Variants in ZNRF2 observed in about 807,000 individuals in gnomAD.
The protein encoded by ZNRF2 is zinc and ring finger 2, also known as E3 ubiquitin-protein ligase ZNRF2.
ZNRF2 carries 16 observed loss-of-function variants against 20.4 expected under a neutral mutation model. The ratio of observed to expected loss-of-function variants is 0.79; its 90% CI spans 0.53 to 1.19. The LOEUF (loss-of-function observed/expected upper bound fraction) is 1.19, where lower values mean the gene tolerates loss of function less well. Among genes scored for constraint, ZNRF2 ranks in the 50% most tolerant of loss-of-function variants. The pLI is 0.00. For missense variants in ZNRF2, 363 were observed against 332.4 expected, an observed-to-expected ratio of 1.09 and a Z score of -0.72; for synonymous variants, 178 against 144.9, an observed-to-expected ratio of 1.23 and a Z score of -1.64.
intron 4 of ZNRF2, among the ~76,000 whole-genome samples, chr7:30,363,199 C>T (rs1800155561): frequency 6.6e-6 from 1 of 152,188 alleles, no homozygotes. Context: ...TGCCACTGCA[C>T]TCCAGCCTGG....
intron 1 of ZNRF2, among the ~76,000 whole-genome samples, chr7:30,310,852 C>CG (rs1799280445): frequency 7.0e-6 from 1 of 142,556 alleles, no homozygotes; most frequent in Non-Finnish European, 1.6e-5. Flanking sequence ...AACATCTGAG[C>CG]CCCTGTCCTG....
In ZNRF2 at chr7:30,285,180, A is replaced by G. The variant is rs1259788279; in HGVS notation, c.-178A>G. ...GGCCGTCGGCCTCGCCCGCCGCCCC[A>G]AGAAGAGCGCGCCGGGCGCCGACTG... is the stretch of plus-strand genomic sequence containing the variant. On this transcript the variant is annotated 5_prime_UTR_variant, in exon 1 of 5. Coordinates refer to ENST00000323037, the MANE Select transcript of ZNRF2 (RefSeq NM_147128.4). 1 of 439,078 alleles carries G rather than the reference A, an allele frequency of 2.3e-6. No individual in the cohort carries two copies. Among genetic ancestry groups the G allele is most frequent in the Non-Finnish European group, 4.0e-6 (1 of 251,046 alleles). 27.2% of individuals were successfully genotyped at this position (439,078 alleles called of 1,614,324 possible).
chr7:30,291,343 A>T (rs1042676919), intron 1 of ZNRF2, among the ~76,000 whole-genome samples: 1 of 152,228 alleles, frequency 6.6e-6, no homozygotes, highest in African/African-American at 2.4e-5. Flanking sequence ...GGCACAATTA[A>T]CACTCGTAGT....
At chr7:30,295,457 C>T (rs966635049) in intron 1 of ZNRF2, among the ~76,000 whole-genome samples, 12 of 152,250 alleles carry the variant, frequency 7.9e-5, no homozygotes, top group Middle Eastern at 3.4e-3. Context: ...CACCTGTAAC[C>T]CCCAGAACTC....
intron 1 of ZNRF2, among the ~76,000 whole-genome samples, chr7:30,298,177 A>G (rs1344096059): frequency 2.2e-4 from 33 of 152,034 alleles, no homozygotes; most frequent in Non-Finnish European, 4.0e-4. Context: ...TGTGGGTACA[A>G]TACCTTTTTC....
intron 1 of ZNRF2, 41 bp downstream of exon 1, chr7:30,285,867 C>G: frequency 7.0e-7 from 1 of 1,418,562 alleles, no homozygotes; most frequent in Non-Finnish European, 9.2e-7. Context: ...GGTCCTCCCG[C>G]GGCTGCACGT....
intron 3 of ZNRF2, among the ~76,000 whole-genome samples, chr7:30,360,911 T>C (rs1308453335): frequency 6.6e-6 from 1 of 152,218 alleles, no homozygotes; most frequent in Non-Finnish European, 1.5e-5. Flanking sequence ...AAATACCAAA[T>C]TGAGAATAGT....
intron 2 of ZNRF2, among the ~76,000 whole-genome samples, chr7:30,354,180 A>G (rs1055119267): frequency 2.0e-5 from 3 of 151,872 alleles, no homozygotes; most frequent in African/African-American, 7.3e-5. Context: ...GGGGAAAGGG[A>G]GGGCACTTCA....
chr7:30,340,294 AGTG>A (rs1799774821), intron 2 of ZNRF2, among the ~76,000 whole-genome samples: 1 of 152,114 alleles, frequency 6.6e-6, no homozygotes, highest in Admixed American at 6.5e-5. Context: ...GTTGAATAGG[AGTG>A]GTGAGAGAGA....
At chr7:30,351,844 A>C (rs1204525433) in intron 2 of ZNRF2, among the ~76,000 whole-genome samples, 1 of 152,056 alleles carries the variant, frequency 6.6e-6, no homozygotes, top group African/African-American at 2.4e-5. Context: ...TATAGAATGA[A>C]GCCAAAACAT....
At chr7:30,295,405 C>G (rs1799002881) in intron 1 of ZNRF2, among the ~76,000 whole-genome samples, 1 of 152,108 alleles carries the variant, frequency 6.6e-6, no homozygotes, top group Admixed American at 6.5e-5. Context: ...CTCTGTACCT[C>G]CGTTTTCTCA....
rs1798739579 is a variant in ZNRF2 at position 30,284,780 on chromosome 7, C to T, written c.-578C>T. 5.5e-6 allele frequency: 1 copy of T among 182,618 alleles called. No homozygotes were observed. The highest frequency in any genetic ancestry group is 1.2e-5 in the Non-Finnish European group (1 of 84,014). The allele number at this position is 182,618 out of a possible 1,614,324, so 11.3% of individuals were successfully genotyped here. ...GCCGGGAAGCGCGCGCCACCTCTCC[C>T]TCCCATTTTTCGTTCTCCCCTCGCG... On this transcript the variant is annotated 5_prime_UTR_variant, in exon 1 of 5. Transcript: ENST00000323037.
chr7:30,346,667 G>C (rs1799884621), intron 2 of ZNRF2, among the ~76,000 whole-genome samples: 1 of 151,660 alleles, frequency 6.6e-6, no homozygotes, highest in Admixed American at 6.6e-5. Context: ...AATTAATCCT[G>C]CATCTATTTA....
At chr7:30,325,599 TA>T (rs2128063903) in intron 2 of ZNRF2, among the ~76,000 whole-genome samples, 1 of 152,308 alleles carries the variant, frequency 6.6e-6, no homozygotes, top group South Asian at 2.1e-4. Flanking sequence ...TTACTTTTGG[TA>T]GTGTTTTGCA....
intron 1 of ZNRF2, among the ~76,000 whole-genome samples, chr7:30,289,592 A>G (rs1206062623): frequency 2.6e-5 from 4 of 152,272 alleles, no homozygotes; most frequent in Admixed American, 6.5e-5. Flanking sequence ...AGTAATAAGA[A>G]TTTTGGTGGT....
chr7:30,321,784 T>C (rs1433338663), intron 1 of ZNRF2, among the ~76,000 whole-genome samples: 1 of 152,222 alleles, frequency 6.6e-6, no homozygotes, highest in African/African-American at 2.4e-5. Flanking sequence ...ATGCTTAAAA[T>C]CTGGTTGCAG....
At chr7:30,333,990 C>T (rs1381834478) in intron 2 of ZNRF2, among the ~76,000 whole-genome samples, 2 of 152,098 alleles carry the variant, frequency 1.3e-5, no homozygotes, top group Non-Finnish European at 2.9e-5. Context: ...AGAAGCTCTT[C>T]AGTTTAATTA....
In ZNRF2 at chr7:30,285,340, GC is replaced by G; in HGVS notation, c.-15del. 8.9e-7 allele frequency: 1 copy of G among 1,121,674 alleles called. No individual in the cohort carries two copies. The highest frequency in any genetic ancestry group is 1.1e-6 in the Non-Finnish European group (1 of 919,316). The allele number at this position is 1,121,674 out of a possible 1,614,324, so 69.5% of individuals were successfully genotyped here. ...TCTCGGGGCGCAGCGCGCGGGCCCG[GC>G]CCGGGGCAGGGCGGACATGGGCGCC... On this transcript the variant is annotated 5_prime_UTR_variant, in exon 1 of 5. Transcript: ENST00000323037.
chr7:30,313,776 T>C (rs1223290140), intron 1 of ZNRF2, among the ~76,000 whole-genome samples: 1 of 152,206 alleles, frequency 6.6e-6, no homozygotes, highest in East Asian at 1.9e-4. Context: ...TGTGTCTGTC[T>C]TGTGATCATT....
Sources: gnomAD v4.1 joint callset for allele counts (sites outside exome capture counted in the v4.1 genomes callset) on GRCh38, gnomAD v4.1.1 for gene constraint, MANE v1.5 for transcripts, NCBI Gene and HGNC (gene_info 2026-07-23, HGNC 2026-07-21) for gene names.